The following LLGL1 variants were observed in gnomAD, a reference collection of about 807,000 sequenced individuals.
LLGL1 encodes lethal(2) giant larvae protein homolog 1.
LLGL1 carries 58 observed loss-of-function variants against 110.6 expected under a neutral mutation model. That is an observed-to-expected ratio of 0.52 (90% CI 0.42 to 0.65). LLGL1 has a LOEUF of 0.65. LLGL1 is among the 30% of genes least tolerant of loss of function. LLGL1 has a pLI of 0.00. For missense variants in LLGL1, 1,229 were observed against 1,462.1 expected (o/e 0.84, Z 2.60); for synonymous variants, 674 against 607.2 (o/e 1.11, Z -1.62).
Position 18,235,191 on chromosome 17 carries a change from C to G in LLGL1, c.1163C>G (p.Ala388Gly). The stretch of plus-strand genomic sequence containing the variant: ...CCAGCTGTGCCTGCCCCATACCTGG[C>G]CCCGCTGCACTCCTCTGCAATCACT... ...GWPAVPAPYL[A>G]PLHSSAITCS... Residue 388 changes from alanine (A) to glycine (G), a missense_variant, in exon 10 of 23, where the codon GCC becomes GGC. Transcript: ENST00000316843. The G allele has an allele frequency of 6.2e-7, 1 of 1,612,360 alleles. No individual in the cohort carries two copies.
At chr17:18,237,133 A>G (rs4450455) in intron 13 of LLGL1, 194 bp downstream of exon 13, 469,630 of 608,728 alleles carry the variant, frequency 0.77, 181,755 homozygotes, top group African/African-American at 0.86. Context: ...CAGTGTTGAG[A>G]GGAGGGAACT....
At chr17:18,225,929 C>T (rs1380312025) in intron 1 of LLGL1, among the ~76,000 whole-genome samples, 166 bp downstream of exon 1, 1 of 150,762 alleles carries the variant, frequency 6.6e-6, no homozygotes, top group East Asian at 2.0e-4. Flanking sequence ...GCGGGCCCCG[C>T]TCTGGCTCGG....
In LLGL1 at chr17:18,235,261, C is replaced by G. The variant is rs1254792005; in HGVS notation, c.1233C>G (p.Arg411=). The change falls in exon 10 of 23, where the codon CGC becomes CGG. Residue 411 remains arginine, a synonymous_variant. Coordinates refer to ENST00000316843, the MANE Select transcript of LLGL1 (RefSeq NM_004140.4). The part of the protein sequence containing the change: ...VASVPAKLWA[R]IVSAGEQQSP... ...GTGTCCCCGCCAAGCTGTGGGCCCG[C>G]ATTGTGAGCGCTGGCGAGCAGCAGA... The G allele has an allele frequency of 4.3e-6, 7 of 1,610,746 alleles. No individual in the cohort carries two copies. Among genetic ancestry groups the G allele is most frequent in the South Asian group, 1.1e-5 (1 of 91,070 alleles).
chr17:18,235,362 G>T, intron 10 of LLGL1, 50 bp downstream of exon 10: 1 of 1,605,160 alleles, frequency 6.2e-7, no homozygotes, highest in Non-Finnish European at 8.5e-7. Flanking sequence ...TTGAGGAGGG[G>T]GAGAGTTTCA....
intron 11 of LLGL1, 62 bp downstream of exon 11, chr17:18,235,599 G>A: frequency 6.5e-7 from 1 of 1,544,704 alleles, no homozygotes; most frequent in East Asian, 2.2e-5. Context: ...GCCCATCCTG[G>A]GCCTGGTGGG....
At position 18,236,577 on chromosome 17, in the gene LLGL1, G is replaced by A. The variant is rs376180441; in HGVS notation, c.1353-30G>A. The A allele has an allele frequency of 2.6e-5, 41 of 1,588,928 alleles. No homozygotes were observed. In the Admixed American group the frequency reaches 4.9e-4, roughly 19 times the overall value. On this transcript the variant is annotated intron_variant, in intron 11 of 22. Coordinates refer to ENST00000316843, the MANE Select transcript of LLGL1 (RefSeq NM_004140.4). ...GGGCGTGCAGGCCTCCCAGGAACTCGGGTAGCCCTGACATCTGCCCTCCCT... is the reference window on the plus strand; with the variant it reads ...GGGCGTGCAGGCCTCCCAGGAACTCAGGTAGCCCTGACATCTGCCCTCCCT...
In LLGL1 at chr17:18,233,739, G is replaced by A. The variant is rs758357998; in HGVS notation, c.393-39G>A. 3.2e-6 allele frequency: 5 copies of A among 1,579,908 alleles called. No individual in the cohort carries two copies. In the Admixed American group the frequency reaches 8.6e-5, roughly 27 times the overall value. ...TCACACCCCACCTGAGCAGGTGGAT[G>A]GGCTTGTACCCTCACTCCCTTCCCC... On this transcript the variant is annotated intron_variant, in intron 4 of 22. Coordinates refer to ENST00000316843, the MANE Select transcript of LLGL1 (RefSeq NM_004140.4).
chr17:18,238,295 G>C, intron 15 of LLGL1, 81 bp downstream of exon 15: 1 of 1,592,194 alleles, frequency 6.3e-7, no homozygotes, highest in Non-Finnish European at 8.5e-7. Context: ...CCTGGGGCCT[G>C]CTTAGCTCAG....
rs1454947300 is a variant in LLGL1 at position 18,244,720 on chromosome 17, G to C, written c.*814G>C. 4 of 126,574 alleles carry C rather than the reference G, an allele frequency of 3.2e-5. 1 individual carries two copies. The highest frequency in any genetic ancestry group is 1.6e-4 in the Admixed American group (2 of 12,308). The allele number at this position is 126,574 out of a possible 1,614,324, so 7.8% of individuals were successfully genotyped here. A position where few individuals can be genotyped will look rare whatever the true frequency, so the allele number is the denominator to read the frequency against. ...GGGGCCTAGTCAGGTGTGTGTGTCCGGCGGGGGGGGGGGGCAGGGGGGGGG... is the reference window on the plus strand; with the variant it reads ...GGGGCCTAGTCAGGTGTGTGTGTCCCGCGGGGGGGGGGGGCAGGGGGGGGG... On this transcript the variant is annotated 3_prime_UTR_variant, in exon 23 of 23. Coordinates refer to ENST00000316843, the MANE Select transcript of LLGL1 (RefSeq NM_004140.4).
chr17:18,229,384 C>G (rs933057750), intron 1 of LLGL1, among the ~76,000 whole-genome samples: 1 of 152,154 alleles, frequency 6.6e-6, no homozygotes, highest in Non-Finnish European at 1.5e-5. Flanking sequence ...CTCTGGGCCT[C>G]TGTCTCCCTG....
chr17:18,242,045 C>A, intron 19 of LLGL1, 46 bp downstream of exon 19: 1 of 1,555,704 alleles, frequency 6.4e-7, no homozygotes, highest in East Asian at 2.2e-5. Context: ...GTGCCCAGGG[C>A]CAGGTCTCAT....
chr17:18,225,913 C>T (rs1459437017), intron 1 of LLGL1, 150 bp downstream of exon 1: 1 of 189,720 alleles, frequency 5.3e-6, no homozygotes, highest in Non-Finnish European at 9.7e-6. Flanking sequence ...GCCGCGCACC[C>T]CCTCGGCGGG....
chr17:18,242,848 C>G (rs929274186), intron 22 of LLGL1, 26 bp downstream of exon 22: 1 of 1,533,944 alleles, frequency 6.5e-7, no homozygotes, highest in Non-Finnish European at 8.8e-7. Flanking sequence ...GGCCCTGGTC[C>G]TCACCACTGG....
intron 16 of LLGL1, 151 bp downstream of exon 16, chr17:18,238,760 C>T: frequency 1.3e-6 from 1 of 783,220 alleles, no homozygotes; most frequent in East Asian, 2.6e-5. Flanking sequence ...TGAGTGATCC[C>T]AGCACTTTGG....
Position 18,244,815 on chromosome 17 carries a change from T to C in LLGL1, c.*909T>C, listed in dbSNP as rs2047965825. On this transcript the variant is annotated 3_prime_UTR_variant, in exon 23 of 23. Transcript: ENST00000316843. ...TGTCGTTTTGTTAAAATTAGCGCCA[T>C]TTTAATATTAAAAATACTGATTTTT... is the stretch of plus-strand genomic sequence containing the variant. The C allele has an allele frequency of 2.9e-6, 1 of 346,224 alleles. No homozygotes were observed. Among genetic ancestry groups the C allele is most frequent in the African/African-American group, 2.1e-5 (1 of 47,096 alleles). The allele number at this position is 346,224 out of a possible 1,614,324, so 21.4% of individuals were successfully genotyped here. A position where few individuals can be genotyped will look rare whatever the true frequency, so the allele number is the denominator to read the frequency against.
At chr17:18,233,078 C>T (rs373023312) in intron 4 of LLGL1, among the ~76,000 whole-genome samples, 24 of 152,346 alleles carry the variant, frequency 1.6e-4, no homozygotes, top group Non-Finnish European at 2.9e-4. Context: ...TGCCAAACTT[C>T]TAGGACCTGA....
At chr17:18,243,637 T>C (rs770269800) in intron 22 of LLGL1, among the ~76,000 whole-genome samples, 4 of 152,240 alleles carry the variant, frequency 2.6e-5, no homozygotes, top group Non-Finnish European at 4.4e-5. Flanking sequence ...GGCACCTGAC[T>C]GTAGGCCATA....
chr17:18,226,552 G>A (rs958163421), intron 1 of LLGL1, among the ~76,000 whole-genome samples: 1 of 152,226 alleles, frequency 6.6e-6, no homozygotes, highest in African/African-American at 2.4e-5. Flanking sequence ...GACATGCCTG[G>A]CTGTGTACTA....
intron 15 of LLGL1, 71 bp downstream of exon 15, chr17:18,238,285 C>T: frequency 1.3e-6 from 2 of 1,596,908 alleles, no homozygotes; most frequent in Middle Eastern, 1.7e-4. Flanking sequence ...GCCTGGGACC[C>T]CTGGGGCCTG....
Sources: allele counts gnomAD v4.1 joint callset (sites outside exome capture counted in the v4.1 genomes callset), GRCh38; gene constraint gnomAD v4.1.1; transcripts MANE v1.5; gene names NCBI Gene and HGNC (gene_info 2026-07-23, HGNC 2026-07-21).